TENM1: variants seen among roughly 807,000 people sequenced by gnomAD.
TENM1 encodes teneurin-1.
In TENM1, 35 loss-of-function variants were observed where a neutral mutation model predicts 174.8. The ratio of observed to expected loss-of-function variants is 0.20; its 90% CI spans 0.15 to 0.27. TENM1 has a LOEUF of 0.27. TENM1 is among the 10% of genes least tolerant of loss of function. TENM1 has a pLI of 1.00. For synonymous variants in TENM1, 781 were observed against 798.7 expected, an observed-to-expected ratio of 0.98 and a Z score of 0.37; for missense variants, 1,633 against 2,130.1, an observed-to-expected ratio of 0.77 and a Z score of 4.59.
At chrX:124,767,824 G>C (rs963440068) in intron 3 of TENM1, among the ~76,000 whole-genome samples, 1 of 110,838 alleles carries the variant, frequency 9.0e-6, no homozygotes, top group Non-Finnish European at 1.9e-5. Context: ...CTAAATGTTA[G>C]AATTTTCTCT....
At chrX:125,011,856 T>C in the TENM1 span, among the ~76,000 whole-genome samples, 1 of 111,433 alleles carries the variant, frequency 9.0e-6, no homozygotes, top group Non-Finnish European at 1.9e-5. Context: ...CAAAAGAATA[T>C]AAATTATTCT....
rs144052088 is a variant in TENM1, at chrX:124,695,060, C to T, written c.1015+9953G>A. Among the ~76,000 whole-genome samples, 78 of 111,510 alleles carry T rather than the reference C, an allele frequency of 7.0e-4. 10 individuals carry two copies. The highest frequency in any genetic ancestry group is 5.9e-3 in the East Asian group (21 of 3,554). ...TATAATACACTTATCTTTGTTATAG[C>T]CATTTATACCTCAGTGTGAGTTATT... On this transcript the variant is annotated intron_variant, in intron 5 of 31. Coordinates refer to ENST00000422452, the Ensembl canonical transcript of TENM1.
intron 20 of TENM1, among the ~76,000 whole-genome samples, chrX:124,490,496 T>C (rs2047043465): frequency 8.9e-6 from 1 of 112,056 alleles, no homozygotes; most frequent in Non-Finnish European, 1.9e-5. Context: ...ATTCCAGTTC[T>C]ACTCCATTCC....
intron 1 of TENM1, among the ~76,000 whole-genome samples, chrX:124,959,716 C>T (rs1171265477): frequency 8.9e-6 from 1 of 111,900 alleles, no homozygotes; most frequent in Non-Finnish European, 1.9e-5. Context: ...ACCTGCTCCT[C>T]CTGCTGTGTT....
At chrX:124,888,823 T>G (rs1473702227) in intron 3 of TENM1, among the ~76,000 whole-genome samples, 1 of 111,914 alleles carries the variant, frequency 8.9e-6, no homozygotes, top group Non-Finnish European at 1.9e-5. Flanking sequence ...TCTCATTTAA[T>G]CCTCACCACA....
At chrX:124,792,818 T>A (rs2147208595) in intron 3 of TENM1, among the ~76,000 whole-genome samples, 1 of 112,746 alleles carries the variant, frequency 8.9e-6, no homozygotes, top group African/African-American at 3.2e-5. Context: ...ACAATATCAT[T>A]ATTTTTAACT....
the TENM1 span, among the ~76,000 whole-genome samples, chrX:125,166,619 G>A: frequency 8.9e-6 from 1 of 111,750 alleles, no homozygotes; most frequent in African/African-American, 3.2e-5. Context: ...ATATTTGGAT[G>A]TGAAGACTGG....
intron 1 of TENM1, among the ~76,000 whole-genome samples, chrX:124,915,389 G>C (rs60231531): frequency 0.018 from 2,030 of 111,656 alleles, 46 homozygotes; most frequent in African/African-American, 0.062. Context: ...GCCAGGCATA[G>C]TGGTGCATGC....
intron 6 of TENM1, among the ~76,000 whole-genome samples, chrX:124,656,179 T>A (rs1018421565): frequency 5.3e-5 from 6 of 112,615 alleles, no homozygotes; most frequent in Non-Finnish European, 9.4e-5. Flanking sequence ...TGTCATTTTT[T>A]AAAAATCTGA....
At chrX:125,174,923 A>G in the TENM1 span, among the ~76,000 whole-genome samples, 1 of 111,661 alleles carries the variant, frequency 9.0e-6, no homozygotes, top group Non-Finnish European at 1.9e-5. Context: ...CAAATTGGAG[A>G]TGATAACTGT....
In TENM1 at chrX:124,742,258, G is replaced by A. The variant is rs534772783; in HGVS notation, c.536-5061C>T. 1.3e-4 allele frequency among the ~76,000 whole-genome samples: 14 copies of A among 111,045 alleles called. No homozygotes were observed. The South Asian group carries it at 5.0e-3, about 40-fold the overall frequency. On this transcript the variant is annotated intron_variant, in intron 3 of 31. Transcript: ENST00000422452. ...TCCTATAGCTCTAGAAAAAGGTCAC[G>A]GAGAGTCAGAAATCATGTCTGTACT...
chrX:124,695,123 G>A (rs1049150827), intron 5 of TENM1, among the ~76,000 whole-genome samples: 1 of 111,266 alleles, frequency 9.0e-6, no homozygotes, highest in Admixed American at 9.6e-5. Context: ...CTACATAGAA[G>A]GAAGGCAGAT....
intron 22 of TENM1, among the ~76,000 whole-genome samples, chrX:124,471,284 T>C (rs2061310585): frequency 2.3e-5 from 1 of 44,428 alleles, no homozygotes; most frequent in Non-Finnish European, 3.6e-5. Flanking sequence ...ATATATAATA[T>C]ATAGTACTAT....
chrX:125,196,331 G>A, the TENM1 span, among the ~76,000 whole-genome samples: 1 of 111,247 alleles, frequency 9.0e-6, no homozygotes, highest in Non-Finnish European at 1.9e-5. Flanking sequence ...AATAAGTGAT[G>A]TATTCATGTG....
At chrX:124,854,341 T>C (rs1456053866) in intron 3 of TENM1, among the ~76,000 whole-genome samples, 1 of 110,648 alleles carries the variant, frequency 9.0e-6, no homozygotes, top group Non-Finnish European at 1.9e-5. Context: ...TAATGGACTT[T>C]GGGGACTCAG....
At chrX:124,643,229 C>T (rs73558369) in intron 10 of TENM1, among the ~76,000 whole-genome samples, 14,808 of 111,200 alleles carry the variant, frequency 0.13, 2,112 homozygotes, top group African/African-American at 0.43. Context: ...TAACTTAATA[C>T]AGCCTATTTT....
intron 11 of TENM1, among the ~76,000 whole-genome samples, chrX:124,620,610 C>A (rs988471949): frequency 8.9e-6 from 1 of 112,088 alleles, no homozygotes; most frequent in Non-Finnish European, 1.9e-5. Flanking sequence ...CTGTTGCACA[C>A]TTAAGATGTA....
chrX:124,543,098 G>A (rs1367296174), intron 15 of TENM1, among the ~76,000 whole-genome samples: 1 of 112,119 alleles, frequency 8.9e-6, no homozygotes, highest in Admixed American at 9.4e-5. Context: ...TGAAGGACGT[G>A]AGTCAAGTGA....
chrX:125,098,995 C>G, the TENM1 span, among the ~76,000 whole-genome samples: 2 of 111,934 alleles, frequency 1.8e-5, no homozygotes, highest in Admixed American at 1.9e-4. Flanking sequence ...AAACAACCAC[C>G]AACAAATTAT....
Sources: allele counts gnomAD v4.1 joint callset (sites outside exome capture counted in the v4.1 genomes callset), GRCh38; gene constraint gnomAD v4.1.1; transcripts MANE v1.5; gene names NCBI Gene and HGNC (gene_info 2026-07-23, HGNC 2026-07-21).